STS: variants seen among roughly 807,000 people sequenced by gnomAD.
STS encodes steroid sulfatase, also known as steryl-sulfatase.
A neutral mutation model predicts 26.8 loss-of-function variants in STS; 7 were observed. That is an observed-to-expected ratio of 0.26 (90% CI 0.15 to 0.49). The LOEUF (loss-of-function observed/expected upper bound fraction) is 0.49. Ranked by LOEUF, STS falls within the 20% of genes least tolerant of loss-of-function variation. The probability of loss-of-function intolerance (pLI) is 0.98; values close to 1 mark genes in which losing one functional copy is unlikely to be tolerated. For synonymous variants in STS, 199 were observed against 189.4 expected (o/e 1.05, Z -0.42); for missense variants, 434 against 465.6 (o/e 0.93, Z 0.63).
chrX:7,154,107 T>C (rs1454171553), intron 1 of STS, among the ~76,000 whole-genome samples: 2 of 111,769 alleles, frequency 1.8e-5, no homozygotes, highest in Non-Finnish European at 3.8e-5. Context: ...GTCAGCAACT[T>C]GGGCCTTTGC....
intron 1 of STS, among the ~76,000 whole-genome samples, chrX:7,181,089 G>A (rs1323473781): frequency 4.5e-5 from 5 of 112,180 alleles, no homozygotes; most frequent in Admixed American, 3.8e-4. Context: ...GATGCTATTC[G>A]ATGGTAAAGT....
At chrX:7,302,853 T>A (rs1225740056) in intron 7 of STS, among the ~76,000 whole-genome samples, 2 of 111,551 alleles carry the variant, frequency 1.8e-5, no homozygotes, top group African/African-American at 3.3e-5. Flanking sequence ...TTATTTCGAC[T>A]GCAGAGGATG....
At chrX:7,308,984 A>G (rs1424938361) in intron 8 of STS, among the ~76,000 whole-genome samples, 1 of 112,018 alleles carries the variant, frequency 8.9e-6, no homozygotes, top group Non-Finnish European at 1.9e-5. Flanking sequence ...CTGTCCATCA[A>G]AACCCTTCAA....
chrX:7,154,857 A>G (rs1163800375), intron 1 of STS, among the ~76,000 whole-genome samples: 1 of 112,676 alleles, frequency 8.9e-6, no homozygotes, highest in African/African-American at 3.2e-5. Flanking sequence ...GGAAGCTTCA[A>G]AAAATAAACA....
chrX:7,206,307 G>A (rs1447649377), intron 2 of STS, among the ~76,000 whole-genome samples: 1 of 111,826 alleles, frequency 8.9e-6, no homozygotes, highest in Non-Finnish European at 1.9e-5. Flanking sequence ...CAATCACCTT[G>A]GCTTTTTGTT....
chrX:7,173,583 C>T (rs968343452), intron 1 of STS, among the ~76,000 whole-genome samples: 9 of 112,019 alleles, frequency 8.0e-5, no homozygotes, highest in East Asian at 2.8e-4. Flanking sequence ...CCTACATCTC[C>T]GCAACCTTGC....
At chrX:7,247,501 TTGA>T (rs1267592982) in intron 2 of STS, among the ~76,000 whole-genome samples, 1 of 111,967 alleles carries the variant, frequency 8.9e-6, no homozygotes, top group Non-Finnish European at 1.9e-5. Context: ...GAACATAGAG[TTGA>T]TGATTGCATG....
At chrX:7,206,533 G>C (rs949181066) in intron 2 of STS, among the ~76,000 whole-genome samples, 2 of 111,625 alleles carry the variant, frequency 1.8e-5, no homozygotes, top group Non-Finnish European at 3.8e-5. Context: ...ATATGACATT[G>C]CTGATAGTTA....
At chrX:7,212,900 T>C (rs1921093143) in intron 2 of STS, among the ~76,000 whole-genome samples, 1 of 112,230 alleles carries the variant, frequency 8.9e-6, no homozygotes, top group Non-Finnish European at 1.9e-5. Context: ...TTCCTTAATG[T>C]TTCTTTTGTA....
chrX:7,198,533 T>C (rs956374026), intron 2 of STS, among the ~76,000 whole-genome samples: 2 of 111,997 alleles, frequency 1.8e-5, no homozygotes, highest in Non-Finnish European at 3.8e-5. Flanking sequence ...GAATTTGTTG[T>C]CCTACAGAGG....
In STS at chrX:7,167,891, G is replaced by T. The variant is rs1178506424; in HGVS notation, c.-134+19808G>T. Among the ~76,000 whole-genome samples the T allele has an allele frequency of 2.7e-5, 3 of 109,180 alleles. No homozygotes were observed. In the South Asian group the frequency reaches 1.2e-3, roughly 45 times the overall value. The allele number at this position is 109,180 out of a possible 115,157, so 94.8% of individuals were successfully genotyped here. On this transcript the variant is annotated intron_variant, in intron 1 of 10. Transcript: ENST00000674429. ...TAAGTTTTTGTAGATACAGGGTCTTGCTATGTTGTCCAGACTGGTCTCAAA... is the reference window on the plus strand; with the variant it reads ...TAAGTTTTTGTAGATACAGGGTCTTTCTATGTTGTCCAGACTGGTCTCAAA...
intron 8 of STS, among the ~76,000 whole-genome samples, chrX:7,322,854 A>T (rs1424185069): frequency 8.9e-6 from 1 of 111,908 alleles, no homozygotes; most frequent in Non-Finnish European, 1.9e-5. Context: ...ATCTTCTGAG[A>T]TTATCTGCTG....
intron 2 of STS, among the ~76,000 whole-genome samples, chrX:7,251,451 C>T (rs752350962): frequency 3.6e-5 from 4 of 111,032 alleles, no homozygotes; most frequent in Admixed American, 9.6e-5. Context: ...TGTCTGCATG[C>T]ACCAAGGCTG....
At chrX:7,345,611 T>C (rs768712610) in intron 10 of STS, among the ~76,000 whole-genome samples, 34 of 111,290 alleles carry the variant, frequency 3.1e-4, no homozygotes, top group Non-Finnish European at 5.7e-4. Context: ...AATCCTTCGT[T>C]ATCATGTCAT....
intron 1 of STS, among the ~76,000 whole-genome samples, chrX:7,160,309 A>G (rs1196079897): frequency 8.9e-6 from 1 of 112,505 alleles, no homozygotes; most frequent in Non-Finnish European, 1.9e-5. Flanking sequence ...GGGACTGATC[A>G]AAGTTTATAC....
chrX:7,191,772 C>A (rs1933878172), intron 2 of STS, among the ~76,000 whole-genome samples: 1 of 100,828 alleles, frequency 9.9e-6, no homozygotes, highest in East Asian at 3.2e-4. Flanking sequence ...GGAGCTCTTT[C>A]CCCTGATGGA....
chrX:7,343,985 C>G lies in STS; in HGVS notation c.1364-5903C>G, dbSNP rs1378523357. ...TATGGATCTTTGGTGCCTTTCCTGT[C>G]CTTTAGAGCTGTTCATTCATTCATG... On this transcript the variant is annotated intron_variant, in intron 10 of 10. Coordinates refer to ENST00000674429, the MANE Select transcript of STS (RefSeq NM_001320752.2). Among the ~76,000 whole-genome samples the G allele has an allele frequency of 2.7e-5, 3 of 112,199 alleles. No individual in the cohort carries two copies. The East Asian group carries it at 8.4e-4, about 31-fold the overall frequency.
intron 2 of STS, among the ~76,000 whole-genome samples, chrX:7,206,933 G>A (rs141463085): frequency 4.4e-4 from 50 of 112,397 alleles, no homozygotes; most frequent in African/African-American, 1.6e-3. Flanking sequence ...TTGGGCTTGG[G>A]GGGCAATGGC....
intron 8 of STS, among the ~76,000 whole-genome samples, chrX:7,308,157 G>A (rs1159456569): frequency 1.8e-5 from 2 of 111,967 alleles, no homozygotes; most frequent in Admixed American, 1.9e-4. Flanking sequence ...TATAACCTGT[G>A]TGGATAGAGT....
Sources: gnomAD v4.1 joint callset for allele counts (sites outside exome capture counted in the v4.1 genomes callset) on GRCh38, gnomAD v4.1.1 for gene constraint, MANE v1.5 for transcripts, NCBI Gene and HGNC (gene_info 2026-07-23, HGNC 2026-07-21) for gene names.